Variants in ACBD6 observed in about 807,000 individuals in gnomAD.
ACBD6 encodes the protein acyl-CoA binding domain containing 6.
A neutral mutation model predicts 37.2 loss-of-function variants in ACBD6; 28 were observed. That is an observed-to-expected ratio of 0.75 (90% confidence interval 0.56 to 1.03). The LOEUF (loss-of-function observed/expected upper bound fraction) is 1.03, where lower values mean the gene tolerates loss of function less well. Ranked by LOEUF, ACBD6 falls within the 50% of genes least tolerant of loss-of-function variation. The pLI is 0.00. For synonymous variants in ACBD6, 113 were observed against 126.8 expected (o/e 0.89, Z 0.73); for missense variants, 340 against 337.4 (o/e 1.01, Z -0.06).
rs1346558380 is a variant in ACBD6, at chr1:180,452,567, T to C, written c.385-22305A>G. ...AGCAGAAGACAAGAAATAACTAAGA[T>C]CAGAGCAGAACTGAAGGAGATAGAG... On this transcript the variant is annotated intron_variant, in intron 3 of 7. Transcript: ENST00000367595. 3.3e-5 allele frequency among the ~76,000 whole-genome samples: 5 copies of C among 151,554 alleles called. No individual in the cohort carries two copies. In the East Asian group the frequency reaches 7.7e-4, roughly 23 times the overall value.
chr1:180,330,203 G>A (rs960253285), intron 6 of ACBD6, among the ~76,000 whole-genome samples: 4 of 151,936 alleles, frequency 2.6e-5, no homozygotes, highest in Non-Finnish European at 4.4e-5. Flanking sequence ...CTTGAGCCTA[G>A]GAGTTTGAGA....
At chr1:180,420,343 A>G (rs1459436224) in intron 4 of ACBD6, among the ~76,000 whole-genome samples, 4 of 152,230 alleles carry the variant, frequency 2.6e-5, no homozygotes, top group Non-Finnish European at 5.9e-5. Flanking sequence ...AGTTTTCTCC[A>G]GCAGAAATTT....
chr1:180,370,556 CATT>C (rs1653224298), intron 6 of ACBD6, among the ~76,000 whole-genome samples: 1 of 152,020 alleles, frequency 6.6e-6, no homozygotes, highest in African/African-American at 2.4e-5. Context: ...AATACAGTAA[CATT>C]AGTTAAATAT....
intron 3 of ACBD6, among the ~76,000 whole-genome samples, chr1:180,442,889 G>C (rs540181772): frequency 6.6e-6 from 1 of 151,668 alleles, no homozygotes; most frequent in African/African-American, 2.4e-5. Context: ...GTATATATTT[G>C]TAAAGTAAGT....
chr1:180,415,493 T>C (rs993420320), intron 4 of ACBD6, among the ~76,000 whole-genome samples: 1 of 152,092 alleles, frequency 6.6e-6, no homozygotes, highest in Non-Finnish European at 1.5e-5. Context: ...CCTACTTTCT[T>C]CCAATCCAGT....
intron 6 of ACBD6, among the ~76,000 whole-genome samples, chr1:180,365,327 T>A (rs1055953911): frequency 8.5e-5 from 13 of 152,334 alleles, no homozygotes; most frequent in African/African-American, 3.1e-4. Context: ...CTAAAATCTG[T>A]ACTTTTATAT....
intron 6 of ACBD6, among the ~76,000 whole-genome samples, chr1:180,372,652 A>T (rs1034642767): frequency 6.6e-6 from 1 of 152,324 alleles, no homozygotes; most frequent in South Asian, 2.1e-4. Flanking sequence ...CTCCTCTGTC[A>T]TGTAAAAAAT....
In ACBD6 at chr1:180,294,681, A is replaced by G. The variant is rs189228424; in HGVS notation, c.695-6164T>C. Among the ~76,000 whole-genome samples the G allele has an allele frequency of 2.2e-4, 33 of 151,776 alleles. No homozygotes were observed. The East Asian group carries it at 6.2e-3, about 29-fold the overall frequency. ...ATGTACTGATATCCTTTCATTCCTG[A>G]AACTGGTAATTTGCCTTTTGTTTTT... On this transcript the variant is annotated intron_variant, in intron 7 of 7. Coordinates refer to ENST00000367595, the MANE Select transcript of ACBD6 (RefSeq NM_032360.4).
At chr1:180,295,061 A>G (rs1032291992) in intron 7 of ACBD6, among the ~76,000 whole-genome samples, 8 of 152,008 alleles carry the variant, frequency 5.3e-5, no homozygotes, top group Non-Finnish European at 1.2e-4. Context: ...TGATCTTTAC[A>G]AACAACCAGT....
chr1:180,413,486 AG>A lies in ACBD6; in HGVS notation c.468-16del, dbSNP rs1467482651. 1.3e-6 allele frequency: 2 copies of A among 1,571,106 alleles called. No homozygotes were observed. The highest frequency in any genetic ancestry group is 1.7e-6 in the Non-Finnish European group (2 of 1,144,308). ...TGTCTTCTTCCCTAGAATAAAAAAA[AG>A]AAAGGTCTTTTTTTACTGGGTAATA... On this transcript the variant is annotated splice_polypyrimidine_tract_variant and intron_variant, in intron 4 of 7. Coordinates refer to ENST00000367595, the MANE Select transcript of ACBD6 (RefSeq NM_032360.4).
intron 3 of ACBD6, among the ~76,000 whole-genome samples, chr1:180,437,496 G>A (rs1013015372): frequency 2.0e-5 from 3 of 152,202 alleles, no homozygotes; most frequent in African/African-American, 7.2e-5. Flanking sequence ...TGTTGTAGTG[G>A]TATGAGAGCA....
chr1:180,311,231 C>T (rs529528977), intron 7 of ACBD6, among the ~76,000 whole-genome samples: 11 of 152,170 alleles, frequency 7.2e-5, no homozygotes, highest in South Asian at 2.1e-4. Context: ...GGCCTCTCTG[C>T]ATCGCTCTGA....
At chr1:180,463,137 A>C (rs1650214014) in intron 3 of ACBD6, among the ~76,000 whole-genome samples, 1 of 152,220 alleles carries the variant, frequency 6.6e-6, no homozygotes, top group African/African-American at 2.4e-5. Context: ...GAAAGATCTC[A>C]AGTTAACAAC....
intron 3 of ACBD6, among the ~76,000 whole-genome samples, chr1:180,453,575 G>C (rs1649797984): frequency 6.6e-6 from 1 of 152,056 alleles, no homozygotes; most frequent in African/African-American, 2.4e-5. Flanking sequence ...AGAAATAAAG[G>C]GTATTCAAAT....
chr1:180,313,431 T>C (rs1650669894), intron 7 of ACBD6, among the ~76,000 whole-genome samples: 2 of 152,330 alleles, frequency 1.3e-5, no homozygotes, highest in South Asian at 2.1e-4. Flanking sequence ...TCCAGAATGA[T>C]TTGGCTTTTG....
chr1:180,343,038 T>A (rs966820048), intron 6 of ACBD6, among the ~76,000 whole-genome samples: 2 of 152,092 alleles, frequency 1.3e-5, no homozygotes, highest in Non-Finnish European at 2.9e-5. Flanking sequence ...GAAGTTGTTA[T>A]AAACAGCAGC....
At chr1:180,419,034 G>A (rs1233885589) in intron 4 of ACBD6, among the ~76,000 whole-genome samples, 5 of 152,210 alleles carry the variant, frequency 3.3e-5, no homozygotes, top group Non-Finnish European at 2.9e-5. Flanking sequence ...GGTGGATCAC[G>A]AGGTCAGGAG....
At chr1:180,449,410 C>CT (rs34597184) in intron 3 of ACBD6, among the ~76,000 whole-genome samples, 14,429 of 137,942 alleles carry the variant, frequency 0.1, 1,030 homozygotes, top group African/African-American at 0.17. Context: ...ACAACTCGCA[C>CT]TTTTTTTTTT....
chr1:180,493,980 T>G (rs1184072782), intron 2 of ACBD6, among the ~76,000 whole-genome samples: 1 of 152,196 alleles, frequency 6.6e-6, no homozygotes, highest in East Asian at 1.9e-4. Context: ...GACATGCCCT[T>G]TTCAATGCAT....
Sources: gnomAD v4.1 joint callset for allele counts (sites outside exome capture counted in the v4.1 genomes callset) on GRCh38, gnomAD v4.1.1 for gene constraint, MANE v1.5 for transcripts, NCBI Gene and HGNC (gene_info 2026-07-23, HGNC 2026-07-21) for gene names.